The following TSPAN9 variants were observed in gnomAD, a reference collection of about 807,000 sequenced individuals.
TSPAN9 encodes tetraspanin-9.
TSPAN9 carries 16 observed loss-of-function variants against 31.0 expected under a neutral mutation model. The ratio of observed to expected loss-of-function variants is 0.52; its 90% confidence interval spans 0.35 to 0.78. The LOEUF (loss-of-function observed/expected upper bound fraction) is 0.78. Ranked by LOEUF, TSPAN9 falls within the 30% of genes least tolerant of loss-of-function variation. The probability of loss-of-function intolerance (pLI) is 0.01; values close to 1 mark genes in which losing one functional copy is unlikely to be tolerated. For missense variants in TSPAN9, 272 were observed against 312.5 expected (o/e 0.87, Z 0.98); for synonymous variants, 145 against 121.6 (o/e 1.19, Z -1.27).
intron 1 of TSPAN9, among the ~76,000 whole-genome samples, 163 bp downstream of exon 1, chr12:3,077,616 T>G (rs1591616087): frequency 6.5e-5 from 8 of 122,200 alleles, no homozygotes; most frequent in Admixed American, 8.8e-5. Flanking sequence ...AGGGCGGCGG[T>G]GGGACGAGAG....
chr12:3,278,576 G>A lies in TSPAN9; in HGVS notation c.219G>A (p.Leu73=), dbSNP rs1862837539. The change falls in exon 4 of 9, where the codon CTG becomes CTA. Residue 73 remains leucine, a synonymous_variant. Coordinates refer to ENST00000011898, the MANE Select transcript of TSPAN9 (RefSeq NM_006675.5). ...TGGTGACGGGCTTCCTCGGCTGCCT[G>A]GGGGCCATCAAGGAAAACAAGTGCC... ...IVMVTGFLGC[L]GAIKENKCLL... 3 of 1,614,006 alleles carry A rather than the reference G, an allele frequency of 1.9e-6. No homozygotes were observed. The highest frequency in any genetic ancestry group is 2.7e-5 in the African/African-American group (2 of 74,934).
intron 3 of TSPAN9, among the ~76,000 whole-genome samples, chr12:3,210,674 A>G (rs1391393235): frequency 1.3e-5 from 2 of 150,994 alleles, no homozygotes; most frequent in Non-Finnish European, 2.9e-5. Flanking sequence ...TCAAATTTTC[A>G]GCCTCTTCTT....
At chr12:3,078,400 C>T (rs1008910368) in intron 1 of TSPAN9, among the ~76,000 whole-genome samples, 21 of 152,158 alleles carry the variant, frequency 1.4e-4, no homozygotes, top group Admixed American at 1.1e-3. Context: ...AAACTGAAGA[C>T]TCATGCGAGG....
intron 2 of TSPAN9, among the ~76,000 whole-genome samples, chr12:3,126,012 G>A (rs1236012750): frequency 6.6e-6 from 1 of 152,206 alleles, no homozygotes; most frequent in Non-Finnish European, 1.5e-5. Flanking sequence ...TTGTGTTCAA[G>A]TGTCTAGTGA....
At chr12:3,152,629 A>T (rs1156638323) in intron 2 of TSPAN9, among the ~76,000 whole-genome samples, 1 of 151,452 alleles carries the variant, frequency 6.6e-6, no homozygotes. Flanking sequence ...TCTGTTGCCC[A>T]GGCTGGTGTG....
intron 3 of TSPAN9, among the ~76,000 whole-genome samples, chr12:3,231,705 T>TGGGC (rs1349130738): frequency 1.3e-5 from 2 of 152,256 alleles, no homozygotes; most frequent in African/African-American, 4.8e-5. Context: ...CTCCAGGTTG[T>TGGGC]GGGCGGGCGG....
At chr12:3,224,553 C>T (rs1347813616) in intron 3 of TSPAN9, among the ~76,000 whole-genome samples, 1 of 152,232 alleles carries the variant, frequency 6.6e-6, no homozygotes, top group Non-Finnish European at 1.5e-5. Context: ...GGGTTGTTTT[C>T]CATGCTGGGG....
intron 3 of TSPAN9, among the ~76,000 whole-genome samples, chr12:3,253,714 T>A (rs1385866646): frequency 6.6e-6 from 1 of 152,220 alleles, no homozygotes; most frequent in Non-Finnish European, 1.5e-5. Context: ...CGACTGCCCT[T>A]GGACCCCTTT....
At chr12:3,275,820 A>G (rs525157) in intron 3 of TSPAN9, among the ~76,000 whole-genome samples, 59,960 of 152,082 alleles carry the variant, frequency 0.39, 12,079 homozygotes, top group Middle Eastern at 0.49. Context: ...CTGGACGTAA[A>G]TCATTCGGAC....
chr12:3,247,050 G>T lies in TSPAN9; in HGVS notation c.64-31371G>T, dbSNP rs115243300. Among the ~76,000 whole-genome samples the T allele has an allele frequency of 5.1e-3, 770 of 152,252 alleles. 9 individuals carry two copies. The highest frequency in any genetic ancestry group is 0.018 in the African/African-American group (734 of 41,544). ...GGAAGGGAGGGTGCCTGTTTTTCAG[G>T]GCAGAGAAGAGGAGCAACGTACTGT... On this transcript the variant is annotated intron_variant, in intron 3 of 8. Transcript: ENST00000011898.
At chr12:3,094,882 AT>A (rs1184794638) in intron 2 of TSPAN9, among the ~76,000 whole-genome samples, 1 of 86,940 alleles carries the variant, frequency 1.2e-5, no homozygotes, top group Non-Finnish European at 2.3e-5. Context: ...TTTTAAATTT[AT>A]TTTTTTATTG....
intron 2 of TSPAN9, among the ~76,000 whole-genome samples, chr12:3,090,822 C>T (rs2098304096): frequency 6.6e-6 from 1 of 152,174 alleles, no homozygotes; most frequent in African/African-American, 2.4e-5. Context: ...TAGACCCCAC[C>T]GATCTTTGGA....
chr12:3,220,731 G>A (rs1591686005), intron 3 of TSPAN9, among the ~76,000 whole-genome samples: 3 of 152,182 alleles, frequency 2.0e-5, no homozygotes, highest in East Asian at 3.9e-4. Context: ...GATAATATGA[G>A]ACCTGTTTCC....
chr12:3,184,407 AAAAG>A (rs201020763), intron 2 of TSPAN9, among the ~76,000 whole-genome samples: 1,613 of 152,136 alleles, frequency 0.011, 21 homozygotes, highest in African/African-American at 0.036. Flanking sequence ...AAAAAAGAAA[AAAAG>A]AAAGAAAGAG....
intron 3 of TSPAN9, among the ~76,000 whole-genome samples, chr12:3,223,483 C>G (rs2098385593): frequency 6.6e-6 from 1 of 152,256 alleles, no homozygotes; most frequent in African/African-American, 2.4e-5. Flanking sequence ...GGCATGTTTT[C>G]TATGCCGTTT....
chr12:3,210,004 C>G (rs1181136802), intron 3 of TSPAN9, among the ~76,000 whole-genome samples: 2 of 120,548 alleles, frequency 1.7e-5, no homozygotes, highest in South Asian at 2.9e-4. Flanking sequence ...GGTGTGGTGG[C>G]GGGTGCCTGT....
rs535930459 is a variant in TSPAN9, at chr12:3,142,880, T to C, written c.-17-58297T>C. 5.3e-5 allele frequency among the ~76,000 whole-genome samples: 8 copies of C among 152,356 alleles called. No homozygotes were observed. The East Asian group carries it at 1.5e-3, about 29-fold the overall frequency. On this transcript the variant is annotated intron_variant, in intron 2 of 8. Coordinates refer to ENST00000011898, the MANE Select transcript of TSPAN9 (RefSeq NM_006675.5). ...TCACTGTTCCCACGAGCGCCCTTTT[T>C]CTGTACCAGGAGCCTCCATTGCGTT...
intron 2 of TSPAN9, among the ~76,000 whole-genome samples, chr12:3,146,428 A>G (rs1334312800): frequency 2.0e-5 from 3 of 151,896 alleles, no homozygotes; most frequent in Admixed American, 2.0e-4. Flanking sequence ...CTGTCTGTCT[A>G]CCCTCCGTCT....
rs1285905913 is a variant in TSPAN9 at position 3,187,560 on chromosome 12, G to A, written c.-17-13617G>A. On this transcript the variant is annotated intron_variant, in intron 2 of 8. Transcript: ENST00000011898. The surrounding 1 kb of genome is among the most constrained non-coding windows in gnomAD (Gnocchi z 5.2). Reference sequence around the variant, plus strand: ...CCCAGCTCTCCTTACTTGCTTAGACGAGTGCTCTCCCCTCTTTGGCCCTTT... The same window carrying A: ...CCCAGCTCTCCTTACTTGCTTAGACAAGTGCTCTCCCCTCTTTGGCCCTTT... Among the ~76,000 whole-genome samples, 1 of 152,102 alleles carries A rather than the reference G, an allele frequency of 6.6e-6. No homozygotes were observed. Among genetic ancestry groups the A allele is most frequent in the Non-Finnish European group, 1.5e-5 (1 of 68,024 alleles).
Sources: gnomAD v4.1 joint callset for allele counts (sites outside exome capture counted in the v4.1 genomes callset) on GRCh38, gnomAD v4.1.1 for gene constraint, Gnocchi (gnomAD v3.1) non-coding constraint, MANE v1.5 for transcripts, NCBI Gene and HGNC (gene_info 2026-07-23, HGNC 2026-07-21) for gene names.